CPSF3: variants seen among roughly 807,000 people sequenced by gnomAD.
The protein encoded by CPSF3 is cleavage and polyadenylation specific factor 3, also known as cleavage and polyadenylation specificity factor subunit 3.
A neutral mutation model predicts 84.1 loss-of-function variants in CPSF3; 57 were observed. The observed-to-expected ratio is 0.68, with a 90% CI of 0.55 to 0.85. The LOEUF is 0.85. Ranked by LOEUF, CPSF3 falls within the 40% of genes least tolerant of loss-of-function variation. The pLI, the probability that CPSF3 is intolerant of heterozygous loss-of-function variation, is 0.00. For synonymous variants in CPSF3, 275 were observed against 278.1 expected (o/e 0.99, Z 0.11); for missense variants, 522 against 838.8 (o/e 0.62, Z 4.66).
At chr2:9,437,675 GA>G (rs760623906) in intron 7 of CPSF3, among the ~76,000 whole-genome samples, 10 of 152,144 alleles carry the variant, frequency 6.6e-5, no homozygotes, top group South Asian at 2.1e-4. Flanking sequence ...TAGTTGGGAA[GA>G]GCACTCTTAT....
intron 14 of CPSF3, among the ~76,000 whole-genome samples, chr2:9,457,570 A>C: frequency 6.6e-6 from 1 of 152,076 alleles, no homozygotes; most frequent in East Asian, 1.9e-4. Context: ...GAAGACAGAT[A>C]CCAAAGGAAT....
intron 9 of CPSF3, among the ~76,000 whole-genome samples, chr2:9,442,359 T>G (rs1680981768): frequency 6.6e-6 from 1 of 152,346 alleles, no homozygotes; most frequent in South Asian, 2.1e-4. Context: ...TTTCTACTAT[T>G]ATGAAACATT....
At chr2:9,456,432 T>C (rs896647250) in intron 13 of CPSF3, among the ~76,000 whole-genome samples, 4 of 152,206 alleles carry the variant, frequency 2.6e-5, no homozygotes, top group African/African-American at 9.6e-5. Flanking sequence ...TTTTAAACCT[T>C]GGAACCTTGC....
At chr2:9,438,327 G>A (rs143539396) in intron 7 of CPSF3, among the ~76,000 whole-genome samples, 4 of 152,130 alleles carry the variant, frequency 2.6e-5, no homozygotes, top group African/African-American at 7.2e-5. Flanking sequence ...CAAAGTCTTC[G>A]TAACCTGTAA....
chr2:9,429,998 A>T lies in CPSF3; in HGVS notation c.190A>T (p.Ile64Phe). ...TATTGATTTAATTGACCCAGCTGAG[A>T]TTGATCTCCTATTAATTAGTCAGTA... ...PYIDLIDPAE[I>F]DLLLISHFHL... Residue 64 changes from isoleucine (I) to phenylalanine (F), a missense_variant, in exon 3 of 18, where the codon ATT becomes TTT. Physicochemically the swap from Ile to Phe is conservative, Grantham distance 21. Around this residue, in one of 2 missense-constraint regions of CPSF3, gnomAD observed 329 missense variants for 607.2 expected, o/e 0.54. Transcript: ENST00000238112. The T allele has an allele frequency of 1.3e-6, 2 of 1,573,344 alleles. No homozygotes were observed. Among genetic ancestry groups the T allele is most frequent in the Non-Finnish European group, 1.7e-6 (2 of 1,163,206 alleles).
chr2:9,435,257 A>G (rs1348301831), intron 6 of CPSF3, among the ~76,000 whole-genome samples: 1 of 152,222 alleles, frequency 6.6e-6, no homozygotes, highest in Non-Finnish European at 1.5e-5. Context: ...AAACAGAAGT[A>G]TAAGAAACAA....
At chr2:9,426,109 G>T (rs1680382175) in intron 1 of CPSF3, among the ~76,000 whole-genome samples, 1 of 152,200 alleles carries the variant, frequency 6.6e-6, no homozygotes, top group Non-Finnish European at 1.5e-5. Context: ...TGTGCTACAT[G>T]CCAGGTACTG....
intron 7 of CPSF3, among the ~76,000 whole-genome samples, chr2:9,438,356 T>A (rs572909433): frequency 1.3e-5 from 2 of 152,108 alleles, no homozygotes; most frequent in Non-Finnish European, 2.9e-5. Context: ...ACAGAGAAGT[T>A]AGGAAGTTGA....
chr2:9,444,696 G>C (rs1414185825), intron 10 of CPSF3, among the ~76,000 whole-genome samples: 6 of 151,756 alleles, frequency 4.0e-5, no homozygotes, highest in African/African-American at 1.5e-4. Context: ...ATGAAGTCTT[G>C]CTCTGTTGCC....
At chr2:9,458,411 AAAAAAG>A (rs1681609311) in intron 14 of CPSF3, among the ~76,000 whole-genome samples, 1 of 152,234 alleles carries the variant, frequency 6.6e-6, no homozygotes, top group Non-Finnish European at 1.5e-5. Flanking sequence ...CTCAAAAGAA[AAAAAAG>A]AAAGAAAGTG....
At chr2:9,467,177 T>C (rs1178446221) in intron 15 of CPSF3, among the ~76,000 whole-genome samples, 2 of 152,296 alleles carry the variant, frequency 1.3e-5, no homozygotes, top group Admixed American at 6.5e-5. Flanking sequence ...GGGGGCCCAT[T>C]TTCCCAAGCT....
At chr2:9,450,736 C>T (rs533872034) in intron 11 of CPSF3, among the ~76,000 whole-genome samples, 17 of 152,034 alleles carry the variant, frequency 1.1e-4, no homozygotes, top group Non-Finnish European at 2.2e-4. Flanking sequence ...TGCAGTGAGC[C>T]GAGATCATGC....
intron 10 of CPSF3, among the ~76,000 whole-genome samples, chr2:9,446,879 C>T (rs1053318100): frequency 4.6e-5 from 7 of 152,208 alleles, no homozygotes; most frequent in Non-Finnish European, 1.0e-4. Flanking sequence ...AGCACAGTGG[C>T]TCATGCCTGT....
intron 10 of CPSF3, among the ~76,000 whole-genome samples, chr2:9,445,827 CAA>C (rs1297682327): frequency 6.6e-6 from 1 of 152,206 alleles, no homozygotes; most frequent in Non-Finnish European, 1.5e-5. Context: ...CCAGCTCCAG[CAA>C]AAGTATAGCT....
intron 15 of CPSF3, among the ~76,000 whole-genome samples, chr2:9,466,334 GCACACA>G (rs1379299707): frequency 8.3e-5 from 4 of 48,372 alleles, no homozygotes; most frequent in East Asian, 4.7e-4. Flanking sequence ...ACAGACGCAC[GCACACA>G]CGCGCGCGCG....
chr2:9,441,783 C>G (rs752024197), intron 8 of CPSF3, 35 bp from the exon 9 acceptor site: 1 of 1,607,388 alleles, frequency 6.2e-7, no homozygotes. Flanking sequence ...CTGCTGGTAG[C>G]TAACATACTT....
In CPSF3 at chr2:9,452,929, C is replaced by T; in HGVS notation, c.1412C>T (p.Ala471Val). ...TTTTTACAGGTTATGGGATTTTTAG[C>T]AGACAAAAAACCAGAACAAGGCCAG... ...EKLAKVMGFL[A>V]DKKPEQGQRV... The change falls in exon 12 of 18, where the codon GCA becomes GTA. Residue 471 changes from alanine (A) to valine (V), a missense_variant. This residue lies in a region of CPSF3 where 329 missense variants were observed against 607.2 expected (regional missense o/e 0.54). Coordinates refer to ENST00000238112, the MANE Select transcript of CPSF3 (RefSeq NM_016207.4). 1 of 1,597,406 alleles carries T rather than the reference C, an allele frequency of 6.3e-7. No homozygotes were observed. The highest frequency in any genetic ancestry group is 8.5e-7 in the Non-Finnish European group (1 of 1,175,404).
At position 9,423,750 on chromosome 2, in the gene CPSF3, C is replaced by T. The variant is rs373078148; in HGVS notation, c.-24C>T. On this transcript the variant is annotated 5_prime_UTR_variant, in exon 1 of 18. Transcript: ENST00000238112. ...GACCCCGGCGACCTGTTCCTCACCCCCGCTTCGCCCTCACACTTTCGGGAT... is the reference window on the plus strand; with the variant it reads ...GACCCCGGCGACCTGTTCCTCACCCTCGCTTCGCCCTCACACTTTCGGGAT... 7 of 1,612,528 alleles carry T rather than the reference C, an allele frequency of 4.3e-6. No individual in the cohort carries two copies. In the Admixed American group the frequency reaches 1.2e-4, roughly 27 times the overall value.
intron 7 of CPSF3, among the ~76,000 whole-genome samples, chr2:9,437,420 A>G (rs746400508): frequency 6.6e-6 from 1 of 151,952 alleles, no homozygotes; most frequent in Non-Finnish European, 1.5e-5. Context: ...CAAACAAACA[A>G]CAACAAAAAA....
Sources: allele counts gnomAD v4.1 joint callset (sites outside exome capture counted in the v4.1 genomes callset), GRCh38; gene constraint gnomAD v4.1.1; regional missense constraint gnomAD v4.1.1; transcripts MANE v1.5; gene names NCBI Gene and HGNC (gene_info 2026-07-23, HGNC 2026-07-21).